Variants in SULT1C3 observed in about 807,000 individuals in gnomAD.
The protein encoded by SULT1C3 is sulfotransferase 1C3.
A neutral mutation model predicts 28.4 loss-of-function variants in SULT1C3; 31 were observed. That is an observed-to-expected ratio of 1.09 (90% CI 0.82 to 1.47). The LOEUF (loss-of-function observed/expected upper bound fraction) is 1.47. Ranked by LOEUF, SULT1C3 falls within the 40% of genes most tolerant of loss-of-function variation. The pLI is 0.00. For missense variants in SULT1C3, 307 were observed against 272.5 expected, an observed-to-expected ratio of 1.13 and a Z score of -0.89; for synonymous variants, 106 against 92.2, an observed-to-expected ratio of 1.15 and a Z score of -0.86.
chr2:108,261,764 G>A (rs1047710010), downstream of SULT1C3, among the ~76,000 whole-genome samples: 2 of 152,136 alleles, frequency 1.3e-5, no homozygotes, highest in African/African-American at 4.8e-5. Context: ...ACAGAGCAAA[G>A]TAACCTCCCT....
chr2:108,244,755 C>T (rs1675539342), intron 1 of SULT1C3, among the ~76,000 whole-genome samples: 1 of 152,166 alleles, frequency 6.6e-6, no homozygotes, highest in Non-Finnish European at 1.5e-5. Context: ...TGAAGGCACC[C>T]CCAAATAAGG....
chr2:108,250,663 C>T (rs1049748789), intron 2 of SULT1C3, among the ~76,000 whole-genome samples: 12 of 151,800 alleles, frequency 7.9e-5, no homozygotes, highest in African/African-American at 2.7e-4. Flanking sequence ...TTCGTATTGT[C>T]ATATAAATGA....
downstream of SULT1C3, among the ~76,000 whole-genome samples, chr2:108,263,294 A>G (rs1676064004): frequency 6.6e-6 from 1 of 152,174 alleles, no homozygotes. Context: ...GCCTAGGCAA[A>G]ACTCTGGATG....
chr2:108,248,005 A>T (rs939048636), intron 2 of SULT1C3, among the ~76,000 whole-genome samples: 1 of 152,220 alleles, frequency 6.6e-6, no homozygotes, highest in Non-Finnish European at 1.5e-5. Flanking sequence ...AGAATTGATG[A>T]TCCCACTCTT....
intron 2 of SULT1C3, among the ~76,000 whole-genome samples, chr2:108,251,603 T>C (rs976908370): frequency 6.6e-6 from 1 of 151,740 alleles, no homozygotes; most frequent in Non-Finnish European, 1.5e-5. Flanking sequence ...TTATGGGAAA[T>C]AGAGGAAATA....
chr2:108,242,210 A>G (rs1265969026), intron 1 of SULT1C3, among the ~76,000 whole-genome samples: 1 of 152,234 alleles, frequency 6.6e-6, no homozygotes. Context: ...TAATTCTTAA[A>G]GCCATGTGAA....
chr2:108,244,680 G>A (rs185582315), intron 1 of SULT1C3, among the ~76,000 whole-genome samples: 1 of 152,100 alleles, frequency 6.6e-6, no homozygotes, highest in East Asian at 1.9e-4. Context: ...TAGCTATCAG[G>A]GTGGTCAGAA....
chr2:108,252,388 T>A lies in SULT1C3; in HGVS notation c.196T>A (p.Leu66Ile), dbSNP rs745317636. The A allele has an allele frequency of 3.1e-6, 5 of 1,610,524 alleles. No individual in the cohort carries two copies. The East Asian group carries it at 1.1e-4, about 36-fold the overall frequency. Residue 66 changes from leucine (L) to isoleucine (I), a missense_variant, in exon 3 of 8, where the codon TTA becomes ATA. Leu to Ile is a conservative substitution (Grantham distance 5). Coordinates refer to ENST00000681802, the MANE Select transcript of SULT1C3 (RefSeq NM_001320878.2). ...AGGTACAACATGGATGCATGAAATT[T>A]TAGACATGATTCTAAATGATGGTGA... is the stretch of plus-strand genomic sequence containing the variant. The part of the protein sequence containing the change: ...KSGTTWMHEI[L>I]DMILNDGDVE...
At chr2:108,247,480 G>C (rs1675617266) in intron 2 of SULT1C3, 114 bp downstream of exon 2, 1 of 1,053,870 alleles carries the variant, frequency 9.5e-7, no homozygotes, top group African/African-American at 1.6e-5. Context: ...CCTCATTATG[G>C]AGATCTGTTC....
At chr2:108,252,316 A>G (rs1308133006) in intron 2 of SULT1C3, 49 bp from the exon 3 acceptor site, 1 of 1,538,940 alleles carries the variant, frequency 6.5e-7, no homozygotes, top group Non-Finnish European at 8.8e-7. Flanking sequence ...ATAACTTAGA[A>G]TGAAAGTTCA....
At chr2:108,255,799 G>C in intron 5 of SULT1C3, 101 bp downstream of exon 5, 1 of 1,404,492 alleles carries the variant, frequency 7.1e-7, no homozygotes, top group Non-Finnish European at 9.5e-7. Flanking sequence ...CATCCTGATT[G>C]AGGAGGTCCT....
At chr2:108,254,786 T>C (rs1473940252) in intron 4 of SULT1C3, among the ~76,000 whole-genome samples, 1 of 151,152 alleles carries the variant, frequency 6.6e-6, no homozygotes, top group East Asian at 1.9e-4. Flanking sequence ...TATATATGTA[T>C]ATATGTATGT....
rs1675849553 is a variant in SULT1C3, at chr2:108,255,652, T to A, written c.480T>A (p.Asp160Glu). ...ACAGGATGGCTTCCTTTATGCCTGA[T>A]CCTCAGAACTTAGAGGAATTTTATG... ...HFHRMASFMP[D>E]PQNLEEFYEK... The change falls in exon 5 of 8, where the codon GAT (aspartate) becomes GAA (glutamate). Residue 160 changes from aspartate to glutamate, a missense_variant. Transcript: ENST00000681802. The A allele has an allele frequency of 6.8e-6, 11 of 1,611,636 alleles. No individual in the cohort carries two copies. The highest frequency in any genetic ancestry group is 9.3e-6 in the Non-Finnish European group (11 of 1,178,362).
At position 108,244,445 on chromosome 2, in the gene SULT1C3, C is replaced by T. The variant is rs1362190693; in HGVS notation, c.-7-2743C>T. ...TCCAATTACAGTTGTTATGAGGTAT[C>T]GCCTCTCTTCCTATTGGGAATGGTG... On this transcript the variant is annotated intron_variant, in intron 1 of 7. Coordinates refer to ENST00000681802, the MANE Select transcript of SULT1C3 (RefSeq NM_001320878.2). Among the ~76,000 whole-genome samples the T allele has an allele frequency of 3.3e-5, 5 of 152,160 alleles. No individual in the cohort carries two copies. In the East Asian group the frequency reaches 5.8e-4, roughly 18 times the overall value.
intron 2 of SULT1C3, among the ~76,000 whole-genome samples, chr2:108,249,898 A>G (rs886950937): frequency 6.6e-6 from 1 of 152,074 alleles, no homozygotes; most frequent in African/African-American, 2.4e-5. Flanking sequence ...CTTGACCCTT[A>G]CTTGGTGCCA....
chr2:108,252,678 G>C (rs1675762362), intron 3 of SULT1C3, among the ~76,000 whole-genome samples, 185 bp downstream of exon 3: 1 of 151,916 alleles, frequency 6.6e-6, no homozygotes, highest in South Asian at 2.1e-4. Flanking sequence ...TTCTTAGCTG[G>C]TGGCCTTTAT....
At position 108,247,183 on chromosome 2, in the gene SULT1C3, CCCAGATT is replaced by C; in HGVS notation, c.-7-2_-3del. On this transcript the variant is annotated splice_acceptor_variant and splice_polypyrimidine_tract_variant and 5_prime_UTR_variant and intron_variant, in exon 2 of 8. Coordinates refer to ENST00000681802, the MANE Select transcript of SULT1C3 (RefSeq NM_001320878.2). LOFTEE classifies it low-confidence loss of function (5UTR_SPLICE). ...TTTAATTAGTATTGATCTTACCCAT[CCCAGATT>C]CCCAATGGCGAAGATTGAGAAAAAC... 6.6e-7 allele frequency: 1 copy of C among 1,507,142 alleles called. No homozygotes were observed. Among genetic ancestry groups the C allele is most frequent in the Non-Finnish European group, 8.9e-7 (1 of 1,125,832 alleles). 93.4% of individuals were successfully genotyped at this position (1,507,142 alleles called of 1,614,324 possible).
intron 5 of SULT1C3, 37 bp downstream of exon 5, chr2:108,255,735 G>T: frequency 6.3e-7 from 1 of 1,597,098 alleles, no homozygotes. Context: ...CCCTCTTTCA[G>T]GTGACTCTAA....
chr2:108,248,171 A>C (rs1009366530), intron 2 of SULT1C3, among the ~76,000 whole-genome samples: 1 of 152,208 alleles, frequency 6.6e-6, no homozygotes, highest in Non-Finnish European at 1.5e-5. Context: ...AGAAGGATAC[A>C]AGAACCAACG....
Sources: allele counts gnomAD v4.1 joint callset (sites outside exome capture counted in the v4.1 genomes callset), GRCh38; gene constraint gnomAD v4.1.1; transcripts MANE v1.5; gene names NCBI Gene and HGNC (gene_info 2026-07-23, HGNC 2026-07-21).